Variants in LRRC4C observed in about 807,000 individuals in gnomAD.
LRRC4C encodes the protein leucine-rich repeat-containing protein 4C.
Under a neutral mutation model 33.6 loss-of-function variants are expected in LRRC4C, and 5 were observed. The ratio of observed to expected loss-of-function variants is 0.15; its 90% CI spans 0.08 to 0.31. LRRC4C has a LOEUF of 0.31. Ranked by LOEUF, LRRC4C falls within the 10% of genes least tolerant of loss-of-function variation. LRRC4C has a pLI of 1.00. For synonymous variants in LRRC4C, 329 were observed against 302.0 expected, an observed-to-expected ratio of 1.09 and a Z score of -0.93; for missense variants, 560 against 796.7, an observed-to-expected ratio of 0.70 and a Z score of 3.58.
intron 2 of LRRC4C, among the ~76,000 whole-genome samples, chr11:40,862,669 G>T (rs1954160626): frequency 6.6e-6 from 1 of 152,132 alleles, no homozygotes; most frequent in Non-Finnish European, 1.5e-5. Flanking sequence ...ATTACAAATT[G>T]GTTGGGAATA....
intron 3 of LRRC4C, among the ~76,000 whole-genome samples, chr11:40,411,299 TCA>T (rs971585695): frequency 1.3e-5 from 2 of 152,104 alleles, no homozygotes; most frequent in Non-Finnish European, 2.9e-5. Flanking sequence ...TGACTTGTAG[TCA>T]CAGAGTTGAG....
chr11:40,855,588 C>T (rs1194215636), intron 2 of LRRC4C, among the ~76,000 whole-genome samples: 1 of 152,094 alleles, frequency 6.6e-6, no homozygotes, highest in Non-Finnish European at 1.5e-5. Flanking sequence ...TTAAAATCTC[C>T]ATGGGACAGT....
chr11:40,758,072 A>G (rs1366775431), intron 2 of LRRC4C, among the ~76,000 whole-genome samples: 1 of 152,032 alleles, frequency 6.6e-6, no homozygotes, highest in Non-Finnish European at 1.5e-5. Flanking sequence ...GTTGAGGAAT[A>G]TATCTCCCGC....
intron 1 of LRRC4C, among the ~76,000 whole-genome samples, chr11:41,260,180 A>G (rs557620338): frequency 1.1e-4 from 17 of 152,070 alleles, no homozygotes; most frequent in Admixed American, 3.9e-4. Flanking sequence ...ACTTTCTTCA[A>G]TTGTACTCTT....
At chr11:40,270,477 A>G (rs1015655206) in intron 4 of LRRC4C, among the ~76,000 whole-genome samples, 1 of 151,958 alleles carries the variant, frequency 6.6e-6, no homozygotes, top group African/African-American at 2.4e-5. Context: ...TAACTTAATT[A>G]CTTCTTCAAA....
intron 5 of LRRC4C, among the ~76,000 whole-genome samples, chr11:40,201,460 C>T (rs987245244): frequency 3.9e-5 from 6 of 152,126 alleles, no homozygotes; most frequent in Non-Finnish European, 7.3e-5. Context: ...TCTACTTCTA[C>T]GAAATGAAGC....
At chr11:41,370,546 T>C (rs1952707386) in intron 1 of LRRC4C, among the ~76,000 whole-genome samples, 2 of 152,092 alleles carry the variant, frequency 1.3e-5, no homozygotes, top group Non-Finnish European at 1.5e-5. Context: ...TTCTTCCTCA[T>C]TTTCTCTTGC....
Position 41,335,271 on chromosome 11 carries a change from A to C in LRRC4C, c.-496+124160T>G, listed in dbSNP as rs543477146. Among the ~76,000 whole-genome samples, 6 of 152,312 alleles carry C rather than the reference A, an allele frequency of 3.9e-5. No homozygotes were observed. In the South Asian group the frequency reaches 1.2e-3, roughly 32 times the overall value. ...CTTAGAAATTCCATTTCATTGGTAA[A>C]AGCAGACCAGTAAACTAAAAATATT... On this transcript the variant is annotated intron_variant, in intron 1 of 6. Coordinates refer to ENST00000528697, the MANE Select transcript of LRRC4C (RefSeq NM_001258419.2).
At chr11:41,061,253 G>A (rs1235202538) in intron 1 of LRRC4C, among the ~76,000 whole-genome samples, 1 of 152,096 alleles carries the variant, frequency 6.6e-6, no homozygotes, top group Non-Finnish European at 1.5e-5. Context: ...AATGGGATTA[G>A]GAACTTACTC....
chr11:40,995,393 C>T (rs1003459372), intron 1 of LRRC4C, among the ~76,000 whole-genome samples: 18 of 151,984 alleles, frequency 1.2e-4, no homozygotes, highest in African/African-American at 4.3e-4. Flanking sequence ...TACTAGATAG[C>T]TTCACTTTGC....
chr11:40,805,924 C>G (rs1403237216), intron 2 of LRRC4C, among the ~76,000 whole-genome samples: 1 of 152,082 alleles, frequency 6.6e-6, no homozygotes, highest in Non-Finnish European at 1.5e-5. Flanking sequence ...CAGCAGATTT[C>G]TTGTTGTTCT....
rs372437066 is a variant in LRRC4C at position 40,210,252 on chromosome 11, C to CA, written c.-96+31266dup. Among the ~76,000 whole-genome samples, 343 of 137,916 alleles carry CA rather than the reference C, an allele frequency of 2.5e-3. 4 individuals are homozygous for CA. The highest frequency in any genetic ancestry group is 8.4e-3 in the East Asian group (39 of 4,668). The allele number at this position is 137,916 out of a possible 152,430, so 90.5% of individuals were successfully genotyped here. ...TGGGCGACAGAGCGAGACTCCGTCT[C>CA]AAAAAAAAAACAAAAAACAAAAACC... On this transcript the variant is annotated intron_variant, in intron 5 of 6. Coordinates refer to ENST00000528697, the MANE Select transcript of LRRC4C (RefSeq NM_001258419.2).
intron 2 of LRRC4C, among the ~76,000 whole-genome samples, chr11:40,908,229 T>C (rs560347807): frequency 6.6e-6 from 1 of 152,190 alleles, no homozygotes; most frequent in Admixed American, 6.5e-5. Flanking sequence ...TCTATTTAAA[T>C]TGAAAACTAA....
intron 1 of LRRC4C, among the ~76,000 whole-genome samples, chr11:41,093,927 C>CAAAAAAAAAAAA: frequency 1.7e-5 from 1 of 58,994 alleles, no homozygotes; most frequent in Non-Finnish European, 3.1e-5. Context: ...CCGTCTCCAC[C>CAAAAAAAAAAAA]AAAAAAAAAA....
At chr11:41,263,821 T>C (rs1047586043) in intron 1 of LRRC4C, among the ~76,000 whole-genome samples, 4 of 151,988 alleles carry the variant, frequency 2.6e-5, no homozygotes, top group African/African-American at 9.7e-5. Flanking sequence ...AAAAAACAAG[T>C]AACTGTATCA....
rs540945276 is a variant in LRRC4C, at chr11:40,152,918, G to T, written c.-95-12065C>A. On this transcript the variant is annotated intron_variant, in intron 5 of 6. Coordinates refer to ENST00000528697, the MANE Select transcript of LRRC4C (RefSeq NM_001258419.2). ...AGTTGCAGGGCCCTGTCCACTACCT[G>T]TCCCTCTCCACACTACCACAGCTGC... Among the ~76,000 whole-genome samples the T allele has an allele frequency of 2.6e-5, 4 of 152,140 alleles. No homozygotes were observed. The East Asian group carries it at 7.8e-4, about 30-fold the overall frequency.
Position 40,566,120 on chromosome 11 carries a change from CT to C in LRRC4C, c.-270+82021del, listed in dbSNP as rs1214655377. On this transcript the variant is annotated intron_variant, in intron 3 of 6. Coordinates refer to ENST00000528697, the MANE Select transcript of LRRC4C (RefSeq NM_001258419.2). ...TTTTTTTTTTTTTTTACTTATGTCA[CT>C]TTTTTTTTCCTCTAAATATTTTTTG... is the stretch of plus-strand genomic sequence containing the variant. Among the ~76,000 whole-genome samples, 26 of 64,596 alleles carry C rather than the reference CT, an allele frequency of 4.0e-4. 1 individual carries two copies. Among genetic ancestry groups the C allele is most frequent in the African/African-American group, 1.4e-3 (24 of 17,198 alleles). 42.4% of individuals were successfully genotyped at this position (64,596 alleles called of 152,430 possible). A position where few individuals can be genotyped will look rare whatever the true frequency, so the allele number is the denominator to read the frequency against.
At chr11:41,260,177 T>G (rs1948932895) in intron 1 of LRRC4C, among the ~76,000 whole-genome samples, 1 of 152,160 alleles carries the variant, frequency 6.6e-6, no homozygotes, top group East Asian at 1.9e-4. Flanking sequence ...ATAACTTTCT[T>G]CAATTGTACT....
intron 2 of LRRC4C, among the ~76,000 whole-genome samples, chr11:40,690,706 A>T (rs1945183916): frequency 6.6e-6 from 1 of 152,054 alleles, no homozygotes; most frequent in African/African-American, 2.4e-5. Flanking sequence ...TAGTGTAATT[A>T]TCTACAACAC....
Sources: gnomAD v4.1 joint callset for allele counts (sites outside exome capture counted in the v4.1 genomes callset) on GRCh38, gnomAD v4.1.1 for gene constraint, MANE v1.5 for transcripts, NCBI Gene and HGNC (gene_info 2026-07-23, HGNC 2026-07-21) for gene names.